The following DOCK9 variants were observed in gnomAD, a reference collection of about 807,000 sequenced individuals.
DOCK9 encodes dedicator of cytokinesis protein 9.
Under a neutral mutation model 263.3 loss-of-function variants are expected in DOCK9, and 89 were observed. The observed-to-expected ratio is 0.34, with a 90% CI of 0.28 to 0.40. The LOEUF is 0.40. Among genes scored for constraint, DOCK9 ranks in the 10% least tolerant of loss-of-function variants. The probability of loss-of-function intolerance (pLI) is 1.00; values close to 1 mark genes in which losing one functional copy is unlikely to be tolerated. For missense variants in DOCK9, 2,140 were observed against 2,603.4 expected (o/e 0.82, Z 3.87); for synonymous variants, 976 against 973.1 (o/e 1.00, Z -0.06).
chr13:98,978,725 G>C (rs1876043529), upstream of DOCK9, among the ~76,000 whole-genome samples: 1 of 152,158 alleles, frequency 6.6e-6, no homozygotes, highest in African/African-American at 2.4e-5. Flanking sequence ...ATAAGGTAGA[G>C]TATCTCTCCC....
At chr13:98,863,683 G>C (rs1460348713) in intron 30 of DOCK9, 135 bp from the exon 31 acceptor site, 8 of 880,764 alleles carry the variant, frequency 9.1e-6, no homozygotes, top group Non-Finnish European at 1.4e-5. Context: ...GAGATGATCA[G>C]ACTTGGCTTC....
intron 1 of DOCK9, among the ~76,000 whole-genome samples, chr13:98,994,723 G>A (rs1000594815): frequency 1.3e-5 from 2 of 151,418 alleles, no homozygotes; most frequent in African/African-American, 2.4e-5. Context: ...CCTCTTAATT[G>A]TGCTCCTAGT....
At chr13:99,051,143 A>G (rs893486436) in intron 1 of DOCK9, among the ~76,000 whole-genome samples, 19 of 152,304 alleles carry the variant, frequency 1.2e-4, no homozygotes, top group African/African-American at 4.6e-4. Flanking sequence ...TGTCACCTGA[A>G]GCAATGGGGG....
intron 33 of DOCK9, 103 bp downstream of exon 33, chr13:98,860,302 T>A: frequency 6.6e-7 from 1 of 1,516,588 alleles, no homozygotes; most frequent in Non-Finnish European, 8.9e-7. Context: ...CAACTTAGAC[T>A]TCAAGGTCCT....
chr13:98,951,406 G>A (rs2057392861), intron 2 of DOCK9, among the ~76,000 whole-genome samples: 1 of 152,162 alleles, frequency 6.6e-6, no homozygotes, highest in South Asian at 2.1e-4. Context: ...TATTAGTAAG[G>A]TAAGCAATGG....
At position 99,080,796 on chromosome 13, in the gene DOCK9, T is replaced by TGGTGACTCTAAGTGGTGACTCTAAGTCAC. The variant is rs2042094413; in HGVS notation, c.129+5426_129+5427insGTGACTTAGAGTCACCACTTAGAGTCACC. Among the ~76,000 whole-genome samples, 4 of 152,330 alleles carry TGGTGACTCTAAGTGGTGACTCTAAGTCAC rather than the reference T, an allele frequency of 2.6e-5. No homozygotes were observed. The East Asian group carries it at 7.7e-4, about 29-fold the overall frequency. ...CCATGGTGTGCCTTAGTACTGTTAG[T>TGGTGACTCTAAGTGGTGACTCTAAGTCAC]CACCTTAGAGTAGGTGACTGACCCG... On this transcript the variant is annotated intron_variant, in intron 1 of 32. Coordinates refer to the DOCK9 transcript ENST00000427887.
At chr13:98,896,490 A>AC (rs202049848) in intron 15 of DOCK9, among the ~76,000 whole-genome samples, 5,469 of 134,504 alleles carry the variant, frequency 0.041, 155 homozygotes, top group South Asian at 0.12. Flanking sequence ...TGATATGCAC[A>AC]AAAAAAAAAA....
upstream of DOCK9, among the ~76,000 whole-genome samples, chr13:99,086,788 C>T (rs934758946): frequency 1.7e-4 from 26 of 149,220 alleles, no homozygotes; most frequent in Non-Finnish European, 3.3e-4. Flanking sequence ...CGCGGCCCGG[C>T]GCTGGAGCTA....
chr13:98,903,243 T>C, intron 10 of DOCK9, 131 bp from the exon 11 acceptor site: 1 of 711,310 alleles, frequency 1.4e-6, no homozygotes, highest in Non-Finnish European at 2.1e-6. Flanking sequence ...ATAGTGTTGC[T>C]ATTATATAAT....
chr13:99,062,162 A>G (rs1264095432), intron 1 of DOCK9, among the ~76,000 whole-genome samples: 1 of 152,144 alleles, frequency 6.6e-6, no homozygotes, highest in African/African-American at 2.4e-5. Flanking sequence ...ATGAGCCACC[A>G]TGCCCATCCC....
At chr13:98,823,085 A>C (rs914036080) in intron 45 of DOCK9, among the ~76,000 whole-genome samples, 2 of 152,090 alleles carry the variant, frequency 1.3e-5, no homozygotes, top group African/African-American at 4.8e-5. Context: ...AGCCTATTAC[A>C]TATTTTAAAA....
In DOCK9 at chr13:98,926,508, C is replaced by T. The variant is rs12857523; in HGVS notation, c.334-589G>A. Among the ~76,000 whole-genome samples, 1,266 of 152,248 alleles carry T rather than the reference C, an allele frequency of 8.3e-3. 8 individuals carry two copies. Among genetic ancestry groups the T allele is most frequent in the Non-Finnish European group, 0.013 (886 of 68,018 alleles). Reference sequence around the variant, plus strand: ...AATGTTTAATGTAGTCTTCCACTGCCAAGGATTCTATTAGTGACCTCACCT... The same window carrying T: ...AATGTTTAATGTAGTCTTCCACTGCTAAGGATTCTATTAGTGACCTCACCT... On this transcript the variant is annotated intron_variant, in intron 3 of 52. Coordinates refer to ENST00000682017, the MANE Select transcript of DOCK9 (RefSeq NM_001366683.2).
intron 27 of DOCK9, among the ~76,000 whole-genome samples, chr13:98,872,747 C>G (rs2094221045): frequency 6.6e-6 from 1 of 152,288 alleles, no homozygotes; most frequent in African/African-American, 2.4e-5. Flanking sequence ...TTTTCATTCC[C>G]AAAGATCAGT....
chr13:98,994,867 T>G (rs1389511371), intron 1 of DOCK9, among the ~76,000 whole-genome samples: 1 of 152,178 alleles, frequency 6.6e-6, no homozygotes, highest in Non-Finnish European at 1.5e-5. Context: ...AAATATATAA[T>G]TATTACATAT....
At chr13:98,881,801 T>C (rs1222561589) in intron 24 of DOCK9, 91 bp downstream of exon 24, 2 of 1,303,532 alleles carry the variant, frequency 1.5e-6, no homozygotes, top group African/African-American at 2.9e-5. Flanking sequence ...AATGTAATGT[T>C]CAGCACACAG....
In DOCK9 at chr13:98,825,673, A is replaced by G. The variant is rs1202015145; in HGVS notation, c.5023+1157T>C. On this transcript the variant is annotated intron_variant, in intron 44 of 52. Transcript: ENST00000682017. The surrounding 1 kb of genome is among the most constrained non-coding windows in gnomAD (Gnocchi z 4.1). ...CATTTCACCACATAACTCGGAGCCA[A>G]TGGAATAACAAAAATGGTGGCCAAG... 2.0e-5 allele frequency among the ~76,000 whole-genome samples: 3 copies of G among 152,248 alleles called. No individual in the cohort carries two copies. The highest frequency in any genetic ancestry group is 2.9e-5 in the Non-Finnish European group (2 of 68,046).
chr13:98,948,508 T>G (rs1186085953), intron 2 of DOCK9, among the ~76,000 whole-genome samples: 5 of 152,206 alleles, frequency 3.3e-5, no homozygotes, highest in Non-Finnish European at 4.4e-5. Flanking sequence ...ACAGAAATCC[T>G]ATAACGAAAT....
intron 1 of DOCK9, among the ~76,000 whole-genome samples, chr13:99,072,531 G>C (rs1281805474): frequency 6.6e-6 from 1 of 152,196 alleles, no homozygotes; most frequent in Non-Finnish European, 1.5e-5. Context: ...TTTAGCATCA[G>C]CTCACCCCAA....
intron 1 of DOCK9, among the ~76,000 whole-genome samples, chr13:99,020,691 A>G (rs1279765958): frequency 6.6e-6 from 1 of 152,240 alleles, no homozygotes; most frequent in African/African-American, 2.4e-5. Context: ...GTGAAAAAAG[A>G]GGAATCTAGA....
Sources: gnomAD v4.1 joint callset for allele counts (sites outside exome capture counted in the v4.1 genomes callset) on GRCh38, gnomAD v4.1.1 for gene constraint, Gnocchi (gnomAD v3.1) non-coding constraint, MANE v1.5 for transcripts, NCBI Gene and HGNC (gene_info 2026-07-23, HGNC 2026-07-21) for gene names.